DMRT1: variants seen among roughly 807,000 people sequenced by gnomAD.
DMRT1 encodes doublesex- and mab-3-related transcription factor 1.
DMRT1 carries 7 observed loss-of-function variants against 32.3 expected under a neutral mutation model. That is an observed-to-expected ratio of 0.22 (90% CI 0.12 to 0.41). The LOEUF is 0.41. Among genes scored for constraint, DMRT1 ranks in the 10% least tolerant of loss-of-function variants. The pLI is 1.00. For missense variants in DMRT1, 625 were observed against 500.5 expected, an observed-to-expected ratio of 1.25 and a Z score of -2.37; for synonymous variants, 278 against 206.1, an observed-to-expected ratio of 1.35 and a Z score of -2.99.
chr9:962,167 C>T (rs1819794707), intron 4 of DMRT1, among the ~76,000 whole-genome samples: 1 of 152,176 alleles, frequency 6.6e-6, no homozygotes, highest in Non-Finnish European at 1.5e-5. Flanking sequence ...CCAAATGCGA[C>T]ACCCCTGGAC....
intron 4 of DMRT1, among the ~76,000 whole-genome samples, chr9:917,161 A>C (rs1818211034): frequency 6.6e-6 from 1 of 152,154 alleles, no homozygotes; most frequent in South Asian, 2.1e-4. Flanking sequence ...TCTCCCTTGG[A>C]AGCTAAAAAT....
At chr9:855,051 G>C (rs1815339641) in intron 2 of DMRT1, among the ~76,000 whole-genome samples, 1 of 151,894 alleles carries the variant, frequency 6.6e-6, no homozygotes, top group South Asian at 2.1e-4. Flanking sequence ...ACAGGGGTGA[G>C]CCACCATGCC....
intron 4 of DMRT1, among the ~76,000 whole-genome samples, chr9:917,635 G>A (rs7029422): frequency 0.2 from 30,573 of 152,070 alleles, 4,135 homozygotes; most frequent in African/African-American, 0.38. Flanking sequence ...GGCAGTAGAG[G>A]GTGTCTTGGA....
At chr9:848,252 A>C (rs1332063951) in intron 2 of DMRT1, among the ~76,000 whole-genome samples, 3 of 152,220 alleles carry the variant, frequency 2.0e-5, no homozygotes, top group African/African-American at 7.2e-5. Flanking sequence ...TGGAGAAGTT[A>C]CTTAAGCTCC....
At chr9:895,585 G>C (rs1004699220) in intron 3 of DMRT1, among the ~76,000 whole-genome samples, 3 of 152,148 alleles carry the variant, frequency 2.0e-5, no homozygotes, top group African/African-American at 7.2e-5. Context: ...TGTACAATGT[G>C]ATGATTTGAT....
chr9:916,483 A>G (rs1785965269), intron 3 of DMRT1, among the ~76,000 whole-genome samples: 1 of 151,874 alleles, frequency 6.6e-6, no homozygotes, highest in South Asian at 2.1e-4. Context: ...TGATCTTCCT[A>G]CCTCAGCCTC....
chr9:914,444 G>C lies in DMRT1; in HGVS notation c.823-2319G>C, dbSNP rs529752771. Among the ~76,000 whole-genome samples, 818 of 151,830 alleles carry C rather than the reference G, an allele frequency of 5.4e-3. 9 individuals carry two copies. The highest frequency in any genetic ancestry group is 0.019 in the African/African-American group (794 of 41,398). On this transcript the variant is annotated intron_variant, in intron 3 of 4. Transcript: ENST00000382276. ...AAAAAATTAGCCAGGCATGGTGGCG[G>C]GCGCCTGTAGTCCCAGCTACTCGGG...
chr9:860,180 C>G (rs1035083612), intron 2 of DMRT1, among the ~76,000 whole-genome samples: 3 of 152,082 alleles, frequency 2.0e-5, no homozygotes, highest in African/African-American at 7.2e-5. Context: ...GCCTGTAGTC[C>G]TAGCTACTTG....
rs551292293 is a variant in DMRT1 at position 904,054 on chromosome 9, C to T, written c.822+9859C>T. On this transcript the variant is annotated intron_variant, in intron 3 of 4. Coordinates refer to ENST00000382276, the MANE Select transcript of DMRT1 (RefSeq NM_021951.3). ...TCCAGGGACTACTTCACAATTGAAT[C>T]GGAGGCAGAAGCATATTATTAGTCT... 4.6e-5 allele frequency among the ~76,000 whole-genome samples: 7 copies of T among 152,304 alleles called. No individual in the cohort carries two copies. In the East Asian group the frequency reaches 5.8e-4, roughly 13 times the overall value.
At chr9:954,195 A>G (rs1258642026) in intron 4 of DMRT1, among the ~76,000 whole-genome samples, 2 of 152,142 alleles carry the variant, frequency 1.3e-5, no homozygotes, top group Non-Finnish European at 2.9e-5. Flanking sequence ...TTGAAATGCC[A>G]GGCTAGGGAG....
chr9:893,134 C>T (rs1283130332), intron 2 of DMRT1, among the ~76,000 whole-genome samples: 5 of 152,268 alleles, frequency 3.3e-5, no homozygotes, highest in South Asian at 2.1e-4. Context: ...CCTGTGGGCA[C>T]GGCAGCTGGC....
intron 2 of DMRT1, among the ~76,000 whole-genome samples, chr9:889,695 C>G (rs1266066577): frequency 6.6e-6 from 1 of 152,210 alleles, no homozygotes; most frequent in Non-Finnish European, 1.5e-5. Context: ...TGCAGAAATT[C>G]AAGAACTTGT....
At chr9:913,511 A>T (rs183035765) in intron 3 of DMRT1, among the ~76,000 whole-genome samples, 1 of 152,356 alleles carries the variant, frequency 6.6e-6, no homozygotes, top group African/African-American at 2.4e-5. Flanking sequence ...ATAAAAATAA[A>T]AAAAGAATGA....
At chr9:902,044 G>T (rs1817601904) in intron 3 of DMRT1, among the ~76,000 whole-genome samples, 1 of 151,404 alleles carries the variant, frequency 6.6e-6, no homozygotes, top group South Asian at 2.1e-4. Context: ...TGAGTAGCTG[G>T]GATTACAGGC....
intron 4 of DMRT1, among the ~76,000 whole-genome samples, chr9:935,151 CTA>C (rs1376032611): frequency 2.5e-4 from 38 of 152,168 alleles, no homozygotes; most frequent in Non-Finnish European, 1.5e-5. Context: ...TTGAAAGTGA[CTA>C]ATGGTAATTT....
chr9:937,090 GA>G (rs1204122675), intron 4 of DMRT1, among the ~76,000 whole-genome samples: 1 of 152,106 alleles, frequency 6.6e-6, no homozygotes, highest in Non-Finnish European at 1.5e-5. Context: ...TAAATGGAAT[GA>G]TGCCATATTT....
At chr9:862,313 AAC>A (rs1242189335) in intron 2 of DMRT1, among the ~76,000 whole-genome samples, 1 of 152,162 alleles carries the variant, frequency 6.6e-6, no homozygotes, top group Non-Finnish European at 1.5e-5. Flanking sequence ...CAGCCCCGCC[AAC>A]ACGGCGAAAC....
chr9:920,220 G>T (rs1232818983), intron 4 of DMRT1, among the ~76,000 whole-genome samples: 1 of 152,110 alleles, frequency 6.6e-6, no homozygotes, highest in African/African-American at 2.4e-5. Context: ...AATGTGATGA[G>T]ATCATTTGGA....
At chr9:939,018 C>T (rs1205265256) in intron 4 of DMRT1, among the ~76,000 whole-genome samples, 2 of 152,220 alleles carry the variant, frequency 1.3e-5, no homozygotes, top group Non-Finnish European at 2.9e-5. Context: ...CCCACCCCTG[C>T]CTTCACTGGT....
Sources: allele counts gnomAD v4.1 joint callset (sites outside exome capture counted in the v4.1 genomes callset), GRCh38; gene constraint gnomAD v4.1.1; transcripts MANE v1.5; gene names NCBI Gene and HGNC (gene_info 2026-07-23, HGNC 2026-07-21).